Variants in HDAC4 observed in about 807,000 individuals in gnomAD.
HDAC4 encodes the protein histone deacetylase 4.
In HDAC4, 16 loss-of-function variants were observed where a neutral mutation model predicts 135.1. The observed-to-expected ratio is 0.12, with a 90% CI of 0.08 to 0.18. HDAC4 has a LOEUF of 0.18. Ranked by LOEUF, HDAC4 falls within the 10% of genes least tolerant of loss-of-function variation. The pLI is 1.00. For missense variants in HDAC4, 1,143 were observed against 1,511.8 expected, an observed-to-expected ratio of 0.76 and a Z score of 4.05; for synonymous variants, 685 against 653.4, an observed-to-expected ratio of 1.05 and a Z score of -0.74.
intron 2 of HDAC4, among the ~76,000 whole-genome samples, chr2:239,279,813 G>A (rs773539418): frequency 7.2e-5 from 11 of 152,156 alleles, no homozygotes; most frequent in Non-Finnish European, 1.3e-4. Context: ...TGGAAACCGC[G>A]CCCTCAGGAT....
chr2:239,239,479 T>C (rs549153828), intron 2 of HDAC4, among the ~76,000 whole-genome samples: 1 of 152,110 alleles, frequency 6.6e-6, no homozygotes, highest in Non-Finnish European at 1.5e-5. Context: ...CCCGAGGCTA[T>C]CCAGGGGTCC....
At chr2:239,236,495 C>A in intron 3 of HDAC4, 98 bp downstream of exon 3, 1 of 963,994 alleles carries the variant, frequency 1.0e-6, no homozygotes, top group Non-Finnish European at 1.6e-6. Context: ...CACCTCCCCC[C>A]TCGCCCTCTC....
At chr2:239,339,283 C>T (rs1272885491) in intron 2 of HDAC4, among the ~76,000 whole-genome samples, 1 of 152,218 alleles carries the variant, frequency 6.6e-6, no homozygotes, top group Non-Finnish European at 1.5e-5. Context: ...CTGCCAGTTT[C>T]CATCAGCTGC....
chr2:239,143,102 A>G (rs925204155), intron 8 of HDAC4, among the ~76,000 whole-genome samples: 1 of 152,210 alleles, frequency 6.6e-6, no homozygotes, highest in Non-Finnish European at 1.5e-5. Context: ...ATTACATCAC[A>G]AGCTCCTTCC....
chr2:239,113,069 CAAACAAACA>C (rs1489877086), intron 13 of HDAC4, among the ~76,000 whole-genome samples: 3 of 152,096 alleles, frequency 2.0e-5, no homozygotes, highest in Non-Finnish European at 4.4e-5. Flanking sequence ...TCCAAAAAAA[CAAACAAACA>C]AAACAAACAA....
At chr2:239,378,003 T>TG (rs1026667355) in intron 1 of HDAC4, among the ~76,000 whole-genome samples, 4 of 152,188 alleles carry the variant, frequency 2.6e-5, no homozygotes, top group South Asian at 4.1e-4. Flanking sequence ...AAAAGAATTA[T>TG]GGCCATTGTC....
chr2:239,398,699 G>A (rs1166716577), intron 1 of HDAC4, among the ~76,000 whole-genome samples: 1 of 152,188 alleles, frequency 6.6e-6, no homozygotes, highest in African/African-American at 2.4e-5. Context: ...ATTTTGCATG[G>A]CTAGGAAGCT....
At chr2:239,168,865 T>C (rs2043278033) in intron 5 of HDAC4, among the ~76,000 whole-genome samples, 1 of 152,194 alleles carries the variant, frequency 6.6e-6, no homozygotes, top group Non-Finnish European at 1.5e-5. Context: ...AATAATAAAA[T>C]CTGACCACCC....
At chr2:239,148,832 C>T (rs1277933879) in intron 7 of HDAC4, among the ~76,000 whole-genome samples, 2 of 152,174 alleles carry the variant, frequency 1.3e-5, no homozygotes, top group African/African-American at 2.4e-5. Context: ...AAGCACCAGG[C>T]GGCCTGCTGT....
In HDAC4 at chr2:239,288,066, T is replaced by TAAA. The variant is rs34053864; in HGVS notation, c.23-51405_23-51403dup. On this transcript the variant is annotated intron_variant, in intron 2 of 26. Coordinates refer to ENST00000543185, the MANE Select transcript of HDAC4 (RefSeq NM_001378414.1). ...TCTTAAATAAACTATCCCTGTAAGT[T>TAAA]AAAAAAAAAAAAGACCTTAAAAAAG... 5.4e-3 allele frequency among the ~76,000 whole-genome samples: 789 copies of TAAA among 145,058 alleles called. 5 individuals are homozygous for TAAA. The highest frequency in any genetic ancestry group is 0.013 in the African/African-American group (532 of 39,704).
At chr2:239,122,982 G>A (rs887910376) in intron 12 of HDAC4, among the ~76,000 whole-genome samples, 8 of 151,940 alleles carry the variant, frequency 5.3e-5, no homozygotes, top group Non-Finnish European at 1.0e-4. Flanking sequence ...AGTGTTAGGC[G>A]GCCCTGGGCA....
At chr2:239,248,325 C>T (rs1436780792) in intron 2 of HDAC4, among the ~76,000 whole-genome samples, 3 of 152,128 alleles carry the variant, frequency 2.0e-5, no homozygotes, top group East Asian at 1.9e-4. Flanking sequence ...GGACTACAGG[C>T]GCCGGCCACC....
intron 2 of HDAC4, among the ~76,000 whole-genome samples, chr2:239,346,727 C>T (rs1196126080): frequency 6.6e-5 from 10 of 151,012 alleles, no homozygotes; most frequent in South Asian, 2.1e-4. Flanking sequence ...CTAACACACA[C>T]GCTCTAAAAC....
rs1801746 is a variant in HDAC4 at position 239,050,185 on chromosome 2, G to C, written c.*2912C>G. ...GCTGGAGTGAGCTGACAGATGAAAC[G>C]TGCCTCCCCCTGCCAGGCCTTTGCA... On this transcript the variant is annotated 3_prime_UTR_variant, in exon 27 of 27. Coordinates refer to ENST00000543185, the MANE Select transcript of HDAC4 (RefSeq NM_001378414.1). 1 of 152,518 alleles carries C rather than the reference G, an allele frequency of 6.6e-6. No homozygotes were observed. The highest frequency in any genetic ancestry group is 1.5e-5 in the Non-Finnish European group (1 of 68,070). 9.4% of individuals were successfully genotyped at this position (152,518 alleles called of 1,614,324 possible). A position where few individuals can be genotyped will look rare whatever the true frequency, so the allele number is the denominator to read the frequency against.
At chr2:239,054,562 G>A in intron 25 of HDAC4, among the ~76,000 whole-genome samples, 187 bp downstream of exon 25, 1 of 151,372 alleles carries the variant, frequency 6.6e-6, no homozygotes, top group Non-Finnish European at 1.5e-5. Context: ...AATCCAGTCG[G>A]GGTTAAATGT....
intron 3 of HDAC4, among the ~76,000 whole-genome samples, chr2:239,224,923 C>T (rs2047157528): frequency 6.6e-6 from 1 of 152,164 alleles, no homozygotes; most frequent in Admixed American, 6.5e-5. Flanking sequence ...ATCCAGCACC[C>T]AATTACTAGA....
At chr2:239,093,275 T>C (rs1361618865) in intron 17 of HDAC4, among the ~76,000 whole-genome samples, 1 of 152,188 alleles carries the variant, frequency 6.6e-6, no homozygotes, top group Non-Finnish European at 1.5e-5. Flanking sequence ...CCGGGAGAGT[T>C]TGCAGCTGCT....
chr2:239,314,391 T>G (rs930347752), intron 2 of HDAC4, among the ~76,000 whole-genome samples: 4 of 152,162 alleles, frequency 2.6e-5, no homozygotes, highest in African/African-American at 4.8e-5. Flanking sequence ...CCAGATCCTG[T>G]CACTTAGTGA....
chr2:239,289,634 A>G (rs1402039793), intron 2 of HDAC4, among the ~76,000 whole-genome samples: 1 of 152,198 alleles, frequency 6.6e-6, no homozygotes. Flanking sequence ...ACAGGGCAGG[A>G]GCAGCAGCCC....
Sources: allele counts gnomAD v4.1 joint callset (sites outside exome capture counted in the v4.1 genomes callset), GRCh38; gene constraint gnomAD v4.1.1; transcripts MANE v1.5; gene names NCBI Gene and HGNC (gene_info 2026-07-23, HGNC 2026-07-21).